The following DSC2 variants were observed in gnomAD, a reference collection of about 807,000 sequenced individuals.
The protein encoded by DSC2 is desmocollin-2.
In DSC2, 51 loss-of-function variants were observed where a neutral mutation model predicts 87.6. The ratio of observed to expected loss-of-function variants is 0.58; its 90% CI spans 0.46 to 0.74. The LOEUF is 0.74. Ranked by LOEUF, DSC2 falls within the 30% of genes least tolerant of loss-of-function variation. DSC2 has a pLI of 0.00. For missense variants in DSC2, 1,066 were observed against 1,089.5 expected (o/e 0.98, Z 0.30); for synonymous variants, 383 against 393.2 (o/e 0.97, Z 0.31).
In DSC2 at chr18:31,059,418, T is replaced by C. The variant is rs1986458443; in HGVS notation, c.*8597A>G. On this transcript the variant is annotated 3_prime_UTR_variant, in exon 16 of 16. Coordinates refer to ENST00000280904, the MANE Select transcript of DSC2 (RefSeq NM_024422.6). ...ACATGAATGCACTCAGTTATGATAA[T>C]GTGAGATGATACAGTATTTTCTTTT... 1 of 152,186 alleles carries C rather than the reference T, an allele frequency of 6.6e-6. No homozygotes were observed. Among genetic ancestry groups the C allele is most frequent in the African/African-American group, 2.4e-5 (1 of 41,452 alleles). The allele number at this position is 152,186 out of a possible 1,614,324, so 9.4% of individuals were successfully genotyped here.
rs1021675744 is a variant in DSC2 at position 31,066,652 on chromosome 18, C to T, written c.*1363G>A. The stretch of plus-strand genomic sequence containing the variant: ...AGAAAATTCATTGACTAAAATAAGT[C>T]ATGAAACATGGACTGGAATTTTGTG... On this transcript the variant is annotated 3_prime_UTR_variant, in exon 16 of 16. Transcript: ENST00000280904. 4.6e-5 allele frequency: 7 copies of T among 152,020 alleles called. No homozygotes were observed. Among genetic ancestry groups the T allele is most frequent in the African/African-American group, 1.7e-4 (7 of 41,410 alleles). The allele number at this position is 152,020 out of a possible 1,614,324, so 9.4% of individuals were successfully genotyped here. A position where few individuals can be genotyped will look rare whatever the true frequency, so the allele number is the denominator to read the frequency against.
intron 7 of DSC2, 33 bp downstream of exon 7, chr18:31,086,543 G>A (rs199748676): frequency 3.1e-5 from 50 of 1,613,196 alleles, no homozygotes; most frequent in Middle Eastern, 1.7e-4. Context: ...GAATAGCCAC[G>A]TTATAATCAG....
intron 11 of DSC2, among the ~76,000 whole-genome samples, chr18:31,077,860 C>T (rs776867078): frequency 2.0e-5 from 3 of 152,144 alleles, no homozygotes; most frequent in Non-Finnish European, 2.9e-5. Flanking sequence ...ACATTAATCT[C>T]AAGCTCAACT....
In DSC2 at chr18:31,079,967, T is replaced by C. The variant is rs771406828; in HGVS notation, c.1543A>G (p.Thr515Ala). 6.2e-7 allele frequency: 1 copy of C among 1,613,942 alleles called. No homozygotes were observed. The highest frequency in any genetic ancestry group is 8.5e-7 in the Non-Finnish European group (1 of 1,179,912). ...GIRYKKLTDP[T>A]GWVTIDENTG... ...TTTTCATCAATGGTGACCCACCCTG[T>C]TGGATCAGTTAATTTCTTATACCTG... Residue 515 changes from threonine to alanine, a missense_variant, in exon 11 of 16, where the codon ACA becomes GCA. Physicochemically the swap from Thr to Ala is moderately conservative, Grantham distance 58. Transcript: ENST00000280904.
chr18:31,090,158 A>C (rs2144840719), intron 4 of DSC2, among the ~76,000 whole-genome samples: 1 of 152,340 alleles, frequency 6.6e-6, no homozygotes, highest in East Asian at 1.9e-4. Context: ...TTCGAAAAGC[A>C]AATTTCCTCC....
At chr18:31,076,522 A>G (rs1987021684) in intron 11 of DSC2, among the ~76,000 whole-genome samples, 1 of 152,242 alleles carries the variant, frequency 6.6e-6, no homozygotes, top group South Asian at 2.1e-4. Context: ...CGTCTCTGAA[A>G]CAGGTATGTT....
At chr18:31,079,160 G>A (rs906339925) in intron 11 of DSC2, among the ~76,000 whole-genome samples, 1 of 152,176 alleles carries the variant, frequency 6.6e-6, no homozygotes, top group African/African-American at 2.4e-5. Context: ...ACTGCACTAT[G>A]TAAGTATGTT....
At chr18:31,083,111 A>G in intron 7 of DSC2, 51 bp from the exon 8 acceptor site, 1 of 1,584,544 alleles carries the variant, frequency 6.3e-7, no homozygotes, top group Non-Finnish European at 8.6e-7. Context: ...CAACATTATA[A>G]TTGAAATCTT....
intron 1 of DSC2, among the ~76,000 whole-genome samples, chr18:31,096,292 G>A (rs1845941848): frequency 6.6e-6 from 1 of 152,136 alleles, no homozygotes; most frequent in Non-Finnish European, 1.5e-5. Flanking sequence ...AAAATAGCAA[G>A]CAATTGCTAG....
chr18:31,091,005 A>G, intron 4 of DSC2, 23 bp downstream of exon 4: 1 of 1,613,928 alleles, frequency 6.2e-7, no homozygotes, highest in Admixed American at 1.7e-5. Context: ...AGACTCCCAC[A>G]GCAGAAAGAA....
At chr18:31,080,823 C>CAATGTGAGAACTATAA (rs2144815521) in intron 9 of DSC2, among the ~76,000 whole-genome samples, 1 of 152,250 alleles carries the variant, frequency 6.6e-6, no homozygotes, top group South Asian at 2.1e-4. Flanking sequence ...TATAAACTAT[C>CAATGTGAGAACTATAA]CAGTCTCAGG....
chr18:31,082,334 C>T lies in DSC2; in HGVS notation c.1167G>A (p.Trp389Ter), dbSNP rs1555638995. Residue 389 changes from tryptophan (W) to a stop codon, truncating the protein, a stop_gained, in exon 9 of 16, where the codon TGG becomes TGA. Coordinates refer to ENST00000280904, the MANE Select transcript of DSC2 (RefSeq NM_024422.6). LOFTEE classifies it high-confidence loss of function. ...CCTTTAAAATGGTATAATTAGCTCT[C>T]CAGTTAGCAGTATTCACTAAGTCCT... ...EDKDLVNTAN[W>*]RANYTILKGN... 1 of 1,613,920 alleles carries T rather than the reference C, an allele frequency of 6.2e-7. No individual in the cohort carries two copies. Among genetic ancestry groups the T allele is most frequent in the Non-Finnish European group, 8.5e-7 (1 of 1,179,942 alleles).
intron 4 of DSC2, 29 bp from the exon 5 acceptor site, chr18:31,089,623 C>A (rs749225532): frequency 1.2e-6 from 2 of 1,602,314 alleles, no homozygotes; most frequent in South Asian, 2.2e-5. Context: ...ATACATGAGA[C>A]AAATCTTTAT....
Position 31,086,869 on chromosome 18 carries a change from T to C in DSC2, c.776-127A>G, listed in dbSNP as rs1987418440. ...TTATTACATGGCAAAGTCATGGCTT[T>C]TATAAATTTGCAGACCTCTCCATAC... On this transcript the variant is annotated intron_variant, in intron 6 of 15. Transcript: ENST00000280904. The C allele has an allele frequency of 5.8e-6, 6 of 1,042,192 alleles. No homozygotes were observed. In the East Asian group the frequency reaches 1.6e-4, roughly 27 times the overall value. 64.6% of individuals were successfully genotyped at this position (1,042,192 alleles called of 1,614,324 possible). A position where few individuals can be genotyped will look rare whatever the true frequency, so the allele number is the denominator to read the frequency against.
At chr18:31,073,640 C>A (rs1986906722) in intron 12 of DSC2, among the ~76,000 whole-genome samples, 1 of 152,146 alleles carries the variant, frequency 6.6e-6, no homozygotes, top group Non-Finnish European at 1.5e-5. Context: ...AAAAAGCAAG[C>A]CTCATTCAGT....
Position 31,071,780 on chromosome 18 carries a change from T to C in DSC2, c.1950A>G (p.Ile650Met). ...DPPFGSYVVP[I>M]TVRDRLGMSS... ...ACATGCCAAGTCTATCTCTCACTGT[T>C]ATAGGTACTACATATGAGCCAAATG... The change falls in exon 13 of 16, where the codon ATA (isoleucine) becomes ATG (methionine). Residue 650 changes from isoleucine to methionine, a missense_variant. By Grantham distance (10) the Ile-to-Met change is conservative. Transcript: ENST00000280904. The C allele has an allele frequency of 6.2e-7, 1 of 1,614,056 alleles. No homozygotes were observed. Among genetic ancestry groups the C allele is most frequent in the Non-Finnish European group, 8.5e-7 (1 of 1,179,966 alleles).
rs1272136631 is a variant in DSC2, at chr18:31,102,215, C to T, written c.-244G>A. 1 of 437,794 alleles carries T rather than the reference C, an allele frequency of 2.3e-6. No individual in the cohort carries two copies. Among genetic ancestry groups the T allele is most frequent in the Non-Finnish European group, 4.0e-6 (1 of 251,704 alleles). 27.1% of individuals were successfully genotyped at this position (437,794 alleles called of 1,614,324 possible). A position where few individuals can be genotyped will look rare whatever the true frequency, so the allele number is the denominator to read the frequency against. ...CGCGTCCAAAAGACACCGATCGGCC[C>T]CTCCTTGTTGTCTATTTAAGACTTA... is the stretch of plus-strand genomic sequence containing the variant. On this transcript the variant is annotated 5_prime_UTR_variant, in exon 1 of 16. Transcript: ENST00000280904.
At chr18:31,075,824 T>C (rs1384962465) in intron 11 of DSC2, among the ~76,000 whole-genome samples, 1 of 151,746 alleles carries the variant, frequency 6.6e-6, no homozygotes, top group African/African-American at 2.4e-5. Flanking sequence ...CACTCCAGCC[T>C]GGACAACAAA....
rs1465057182 is a variant in DSC2, at chr18:31,066,005, G to C, written c.*2010C>G. On this transcript the variant is annotated 3_prime_UTR_variant, in exon 16 of 16. Transcript: ENST00000280904. ...TTAAAATCATTTATTATTATCAGGA[G>C]TGCCTTTTAGGTGGACCGCTCTGTA... 2 of 152,118 alleles carry C rather than the reference G, an allele frequency of 1.3e-5. No individual in the cohort carries two copies. Among genetic ancestry groups the C allele is most frequent in the Non-Finnish European group, 2.9e-5 (2 of 68,020 alleles). The allele number at this position is 152,118 out of a possible 1,614,324, so 9.4% of individuals were successfully genotyped here. A position where few individuals can be genotyped will look rare whatever the true frequency, so the allele number is the denominator to read the frequency against.
Sources: gnomAD v4.1 joint callset for allele counts (sites outside exome capture counted in the v4.1 genomes callset) on GRCh38, gnomAD v4.1.1 for gene constraint, MANE v1.5 for transcripts, NCBI Gene and HGNC (gene_info 2026-07-23, HGNC 2026-07-21) for gene names.